The following PTPRD variants were observed in gnomAD, a reference collection of about 807,000 sequenced individuals.
The protein encoded by PTPRD is protein tyrosine phosphatase receptor type D.
A neutral mutation model predicts 214.5 loss-of-function variants in PTPRD; 34 were observed. The observed-to-expected ratio is 0.16, with a 90% CI of 0.12 to 0.21. The LOEUF (loss-of-function observed/expected upper bound fraction) is 0.21. Among genes scored for constraint, PTPRD ranks in the 10% least tolerant of loss-of-function variants. The probability of loss-of-function intolerance (pLI) is 1.00; values close to 1 mark genes in which losing one functional copy is unlikely to be tolerated. For synonymous variants in PTPRD, 1,128 were observed against 845.7 expected (o/e 1.33, Z -5.79); for missense variants, 2,545 against 2,398.7 (o/e 1.06, Z -1.27).
chr9:9,664,440 G>A (rs16930006), intron 7 of PTPRD, among the ~76,000 whole-genome samples: 2,080 of 151,650 alleles, frequency 0.014, 47 homozygotes, highest in African/African-American at 0.048. Flanking sequence ...TTCAATGGTC[G>A]TAAGAAACCA....
In PTPRD at chr9:9,766,806, T is replaced by G. The variant is rs146367736; in HGVS notation, c.-326+4A>C. ...ATTTTAAAATATATTTTAAATATAC[T>G]CACCTTTGTCCAAGGCACATTCTGC... On this transcript the variant is annotated splice_donor_region_variant and intron_variant, in intron 6 of 45. Transcript: ENST00000381196. 451 of 152,592 alleles carry G rather than the reference T, an allele frequency of 3.0e-3. 5 individuals carry two copies. The highest frequency in any genetic ancestry group is 0.01 in the African/African-American group (434 of 41,562). The allele number at this position is 152,592 out of a possible 1,614,324, so 9.5% of individuals were successfully genotyped here. A position where few individuals can be genotyped will look rare whatever the true frequency, so the allele number is the denominator to read the frequency against.
intron 6 of PTPRD, among the ~76,000 whole-genome samples, chr9:9,741,940 G>C (rs900813367): frequency 1.3e-5 from 2 of 152,142 alleles, no homozygotes; most frequent in Admixed American, 6.5e-5. Context: ...CTTTATAGTA[G>C]AATGATTTAT....
chr9:10,164,158 C>A (rs1195834061), intron 3 of PTPRD, among the ~76,000 whole-genome samples: 1 of 151,332 alleles, frequency 6.6e-6, no homozygotes, highest in Non-Finnish European at 1.5e-5. Context: ...TATTTAATAA[C>A]CTTGAGGGAT....
At chr9:8,368,226 C>T (rs10815837) in intron 39 of PTPRD, among the ~76,000 whole-genome samples, 13,220 of 152,170 alleles carry the variant, frequency 0.087, 630 homozygotes, top group Middle Eastern at 0.11. Flanking sequence ...TAGTTAAGTA[C>T]GTTTTCTTCA....
rs572896223 is a variant in PTPRD, at chr9:9,270,558, G to A, written c.-202-87195C>T. Among the ~76,000 whole-genome samples the A allele has an allele frequency of 6.6e-5, 10 of 151,454 alleles. No individual in the cohort carries two copies. The South Asian group carries it at 1.9e-3, about 28-fold the overall frequency. ...GAGTGTGAACTACAGAGTATAATGT[G>A]CTCATGCTGGTGAGTTAGGAAAGAT... On this transcript the variant is annotated intron_variant, in intron 9 of 45. Transcript: ENST00000381196.
chr9:10,331,931 T>C (rs1227687724), intron 3 of PTPRD, among the ~76,000 whole-genome samples: 1 of 151,900 alleles, frequency 6.6e-6, no homozygotes, highest in East Asian at 1.9e-4. Flanking sequence ...GTTATCTCAA[T>C]GTTCAGGGTA....
chr9:9,025,074 T>C (rs1044244415), intron 10 of PTPRD, among the ~76,000 whole-genome samples: 19 of 152,194 alleles, frequency 1.2e-4, no homozygotes, highest in African/African-American at 4.6e-4. Context: ...TTTTGGATTG[T>C]TTACATAGAT....
chr9:9,266,726 T>C (rs1035123574), intron 9 of PTPRD, among the ~76,000 whole-genome samples: 4 of 150,948 alleles, frequency 2.6e-5, no homozygotes, highest in African/African-American at 9.7e-5. Flanking sequence ...AAAGAAGGTA[T>C]CAAAAAGGAA....
At chr9:8,428,948 T>C (rs918186948) in intron 35 of PTPRD, among the ~76,000 whole-genome samples, 7 of 152,192 alleles carry the variant, frequency 4.6e-5, no homozygotes, top group Non-Finnish European at 8.8e-5. Context: ...TTTTCTTTTG[T>C]GGTCATTGCT....
intron 10 of PTPRD, among the ~76,000 whole-genome samples, chr9:9,069,311 G>T (rs78374480): frequency 6.6e-5 from 10 of 152,200 alleles, no homozygotes; most frequent in African/African-American, 2.2e-4. Context: ...TACAAAAAAA[G>T]TATAAAGAAG....
chr9:9,730,989 A>T (rs780466708), intron 7 of PTPRD, among the ~76,000 whole-genome samples: 3 of 152,116 alleles, frequency 2.0e-5, no homozygotes, highest in Non-Finnish European at 4.4e-5. Context: ...AAATACATGA[A>T]TTGGAACAAA....
chr9:10,110,425 C>T (rs2098680307), intron 3 of PTPRD, among the ~76,000 whole-genome samples: 1 of 152,180 alleles, frequency 6.6e-6, no homozygotes, highest in Admixed American at 6.5e-5. Flanking sequence ...TTCTGTCTGA[C>T]TCTAAAGGGA....
At chr9:10,450,166 G>A (rs189523503) in intron 2 of PTPRD, among the ~76,000 whole-genome samples, 1 of 151,534 alleles carries the variant, frequency 6.6e-6, no homozygotes. Context: ...TTTATCTGAT[G>A]ACCTTCCCTC....
chr9:10,304,616 T>G (rs572882278), intron 3 of PTPRD, among the ~76,000 whole-genome samples: 8 of 151,460 alleles, frequency 5.3e-5, no homozygotes, highest in African/African-American at 1.9e-4. Context: ...TATATACAAA[T>G]AATAGACAGA....
intron 9 of PTPRD, among the ~76,000 whole-genome samples, chr9:9,350,190 C>A (rs2050571727): frequency 6.6e-6 from 1 of 151,986 alleles, no homozygotes; most frequent in Non-Finnish European, 1.5e-5. Context: ...ATGTTCCTCT[C>A]CTGAACAAGC....
At chr9:9,269,932 C>T (rs10816080) in intron 9 of PTPRD, among the ~76,000 whole-genome samples, 69,310 of 150,468 alleles carry the variant, frequency 0.46, 16,452 homozygotes, top group African/African-American at 0.58. Context: ...GGAGACCTAA[C>T]GTACAGCATG....
Position 8,317,641 on chromosome 9 carries a change from G to A in PTPRD, c.*233C>T. ...AGGTATCTGTAAATAAAATCCTTCA[G>A]ATGCCTCATCAGTCAGGATTCTCTT... On this transcript the variant is annotated 3_prime_UTR_variant, in exon 46 of 46. Transcript: ENST00000381196. 1.1e-5 allele frequency: 4 copies of A among 374,304 alleles called. No individual in the cohort carries two copies. In the South Asian group the frequency reaches 2.2e-4, roughly 20 times the overall value. 23.2% of individuals were successfully genotyped at this position (374,304 alleles called of 1,614,324 possible).
intron 11 of PTPRD, among the ~76,000 whole-genome samples, chr9:8,830,183 A>G (rs950558700): frequency 6.6e-6 from 1 of 152,144 alleles, no homozygotes; most frequent in African/African-American, 2.4e-5. Flanking sequence ...AGCACATAAA[A>G]TGACCTGCTC....
chr9:10,265,229 C>T (rs1297642074), intron 3 of PTPRD, among the ~76,000 whole-genome samples: 2 of 152,150 alleles, frequency 1.3e-5, no homozygotes, highest in East Asian at 1.9e-4. Context: ...AGCTTACTCT[C>T]CCTTGCTGCT....
Sources: allele counts gnomAD v4.1 joint callset (sites outside exome capture counted in the v4.1 genomes callset), GRCh38; gene constraint gnomAD v4.1.1; transcripts MANE v1.5; gene names NCBI Gene and HGNC (gene_info 2026-07-23, HGNC 2026-07-21).